The following ANK3 variants were observed in gnomAD, a reference collection of about 807,000 sequenced individuals.
ANK3 encodes the protein ankyrin 3, also known as ankyrin-3.
ANK3 carries 57 observed loss-of-function variants against 370.9 expected under a neutral mutation model. The observed-to-expected ratio is 0.15, with a 90% confidence interval of 0.12 to 0.19. The LOEUF (loss-of-function observed/expected upper bound fraction) is 0.19. Ranked by LOEUF, ANK3 falls within the 10% of genes least tolerant of loss-of-function variation. The probability of loss-of-function intolerance (pLI) is 1.00; values close to 1 mark genes in which losing one functional copy is unlikely to be tolerated. For missense variants in ANK3, 4,439 were observed against 5,302.1 expected (o/e 0.84, Z 5.06); for synonymous variants, 1,929 against 1,946.3 (o/e 0.99, Z 0.23).
chr10:60,042,185 T>C (rs570244948), intron 43 of ANK3, among the ~76,000 whole-genome samples: 1 of 152,318 alleles, frequency 6.6e-6, no homozygotes, highest in African/African-American at 2.4e-5. Context: ...TTTGTTTCTA[T>C]AAAACACCAG....
At chr10:60,172,216 T>C in intron 21 of ANK3, 92 bp downstream of exon 21, 2 of 987,502 alleles carry the variant, frequency 2.0e-6, no homozygotes, top group South Asian at 1.4e-5. Context: ...GCTTAGTTTA[T>C]GAATGGGAAA....
In ANK3 at chr10:60,503,533, A is replaced by G. The variant is rs2075859370; in HGVS notation, c.96+111653T>C. Among the ~76,000 whole-genome samples, 9 of 152,266 alleles carry G rather than the reference A, an allele frequency of 5.9e-5. No homozygotes were observed. In the South Asian group the frequency reaches 1.9e-3, roughly 32 times the overall value. ...GGTCACATGAGCAAGAGGCCACCCA[A>G]TGTGAATCTGGAGTTTGGGCTGTTG... On this transcript the variant is annotated intron_variant, in intron 2 of 43. Transcript: ENST00000373827.
At chr10:60,690,160 C>T (rs554578608) in intron 1 of ANK3, among the ~76,000 whole-genome samples, 1 of 152,286 alleles carries the variant, frequency 6.6e-6, no homozygotes, top group African/African-American at 2.4e-5. Flanking sequence ...CAGCTCCCAG[C>T]AAGATCAAAG....
chr10:60,196,193 C>T lies in ANK3; in HGVS notation c.1839G>A (p.Val613=). 1 of 1,613,932 alleles carries T rather than the reference C, an allele frequency of 6.2e-7. No individual in the cohort carries two copies. The highest frequency in any genetic ancestry group is 1.1e-5 in the South Asian group (1 of 91,052). The change falls in exon 16 of 44, where the codon GTG becomes GTA. Residue 613 remains valine (V), a synonymous_variant. Coordinates refer to ENST00000280772, the MANE Select transcript of ANK3 (RefSeq NM_020987.5). ...CTCCTTGGTCCAAAAGCAGAAGGGC[C>T]ACTTTCTGATTATCGTAATGTGCAG... ...HVAAHYDNQK[V]ALLLLDQGAS...
At chr10:60,618,804 C>T (rs2078297385) in intron 1 of ANK3, among the ~76,000 whole-genome samples, 1 of 152,126 alleles carries the variant, frequency 6.6e-6, no homozygotes, top group South Asian at 2.1e-4. Context: ...CCAAATGTTT[C>T]TCCTCTACAG....
intron 2 of ANK3, among the ~76,000 whole-genome samples, chr10:60,587,616 G>A (rs1289721207): frequency 6.6e-6 from 1 of 152,020 alleles, no homozygotes; most frequent in Non-Finnish European, 1.5e-5. Context: ...CCAGAGTGAG[G>A]CATCAAAAAC....
chr10:60,517,288 C>G (rs1287038053), intron 2 of ANK3, among the ~76,000 whole-genome samples: 3 of 152,098 alleles, frequency 2.0e-5, no homozygotes, highest in African/African-American at 7.2e-5. Flanking sequence ...GTCTCAAACT[C>G]ATGACCTCAG....
intron 2 of ANK3, among the ~76,000 whole-genome samples, chr10:60,486,056 C>T (rs2075339391): frequency 6.6e-6 from 1 of 152,094 alleles, no homozygotes; most frequent in African/African-American, 2.4e-5. Context: ...AATGGAACGT[C>T]ATGTTTCATA....
At chr10:60,631,577 A>T (rs1470422539) in intron 1 of ANK3, among the ~76,000 whole-genome samples, 1 of 152,092 alleles carries the variant, frequency 6.6e-6, no homozygotes, top group Non-Finnish European at 1.5e-5. Flanking sequence ...TTACTATTTC[A>T]TTAATTGTTA....
intron 1 of ANK3, among the ~76,000 whole-genome samples, chr10:60,331,583 A>C (rs534857367): frequency 7.6e-4 from 115 of 151,918 alleles, no homozygotes; most frequent in Middle Eastern, 6.8e-3. Flanking sequence ...AAAAAAAAAA[A>C]AAAACAAAAA....
intron 2 of ANK3, among the ~76,000 whole-genome samples, chr10:60,536,572 T>C (rs1165163869): frequency 6.6e-6 from 1 of 152,052 alleles, no homozygotes; most frequent in African/African-American, 2.4e-5. Flanking sequence ...CTGAGTATCC[T>C]GAAATATACC....
At chr10:60,539,489 C>A (rs955406036) in intron 2 of ANK3, among the ~76,000 whole-genome samples, 7 of 152,030 alleles carry the variant, frequency 4.6e-5, no homozygotes, top group Non-Finnish European at 8.8e-5. Context: ...ACAAAGCATA[C>A]AACATCTCAG....
In ANK3 at chr10:60,059,587, C is replaced by CAGATTTTCCTTTCTCCTGCTGCTCAGAG; in HGVS notation, c.12596-185_12596-158dup. The stretch of plus-strand genomic sequence containing the variant: ...TCTTCCATCATCTCCTCATCAGGAC[C>CAGATTTTCCTTTCTCCTGCTGCTCAGAG]AGATTTTCCTTTCTCCTGCTGCTCA... On this transcript the variant is annotated intron_variant, in intron 40 of 43. Coordinates refer to ENST00000280772, the MANE Select transcript of ANK3 (RefSeq NM_020987.5). 3.8e-6 allele frequency: 5 copies of CAGATTTTCCTTTCTCCTGCTGCTCAGAG among 1,310,098 alleles called. No homozygotes were observed. In the South Asian group the frequency reaches 6.7e-5, roughly 18 times the overall value. 81.2% of individuals were successfully genotyped at this position (1,310,098 alleles called of 1,614,324 possible). A position where few individuals can be genotyped will look rare whatever the true frequency, so the allele number is the denominator to read the frequency against.
At chr10:60,610,495 G>A (rs1304189249) in intron 2 of ANK3, among the ~76,000 whole-genome samples, 18 of 102,690 alleles carry the variant, frequency 1.8e-4, no homozygotes, top group East Asian at 6.8e-4. Context: ...CCTGGGCAAC[G>A]AGAGCGGAAA....
At chr10:60,717,475 G>A (rs1009037191) in intron 1 of ANK3, among the ~76,000 whole-genome samples, 1 of 151,952 alleles carries the variant, frequency 6.6e-6, no homozygotes, top group Non-Finnish European at 1.5e-5. Context: ...TTATTAAAAA[G>A]GTTCATCTCT....
upstream of ANK3, among the ~76,000 whole-genome samples, chr10:60,392,117 C>T (rs1289013162): frequency 6.6e-6 from 1 of 152,286 alleles, no homozygotes; most frequent in South Asian, 2.1e-4. Context: ...ACACAGCAGA[C>T]ATCCTGACAA....
intron 2 of ANK3, among the ~76,000 whole-genome samples, chr10:60,470,635 A>G (rs1019360424): frequency 1.3e-5 from 2 of 152,106 alleles, no homozygotes; most frequent in African/African-American, 4.8e-5. Flanking sequence ...GGCACAGGAT[A>G]GACGCTGATG....
At chr10:60,060,092 G>T in intron 40 of ANK3, 2 of 1,021,964 alleles carry the variant, frequency 2.0e-6, no homozygotes, top group Non-Finnish European at 2.8e-6. Flanking sequence ...ATTATATCAG[G>T]CATGAAAAAT....
At chr10:60,598,662 G>A (rs1438887797) in intron 2 of ANK3, among the ~76,000 whole-genome samples, 2 of 152,124 alleles carry the variant, frequency 1.3e-5, no homozygotes. Context: ...TATTTTGCAT[G>A]AAAGTAACGG....
Sources: gnomAD v4.1 joint callset for allele counts (sites outside exome capture counted in the v4.1 genomes callset) on GRCh38, gnomAD v4.1.1 for gene constraint, MANE v1.5 for transcripts, NCBI Gene and HGNC (gene_info 2026-07-23, HGNC 2026-07-21) for gene names.